The following GON4L variants were observed in gnomAD, a reference collection of about 807,000 sequenced individuals.
GON4L encodes the protein GON-4-like protein.
In GON4L, 87 loss-of-function variants were observed where a neutral mutation model predicts 211.8. The ratio of observed to expected loss-of-function variants is 0.41; its 90% CI spans 0.35 to 0.49. GON4L has a LOEUF of 0.49. GON4L is among the 20% of genes least tolerant of loss of function. The pLI, the probability that GON4L is intolerant of heterozygous loss-of-function variation, is 0.15. For missense variants in GON4L, 2,155 were observed against 2,659.5 expected (o/e 0.81, Z 4.17); for synonymous variants, 875 against 962.6 (o/e 0.91, Z 1.68).
At chr1:155,783,336 C>T (rs1488053000) in intron 14 of GON4L, among the ~76,000 whole-genome samples, 2 of 152,154 alleles carry the variant, frequency 1.3e-5, no homozygotes, top group African/African-American at 4.8e-5. Flanking sequence ...AGGGACTATT[C>T]TCTTTGCTTT....
chr1:155,745,728 A>G, downstream of GON4L: 1 of 1,015,866 alleles, frequency 9.8e-7, no homozygotes, highest in Non-Finnish European at 1.4e-6. Flanking sequence ...GCGGACCAAT[A>G]AGTCGCCAGT....
chr1:155,805,730 C>T (rs952467712), intron 10 of GON4L, among the ~76,000 whole-genome samples: 2 of 151,274 alleles, frequency 1.3e-5, no homozygotes, highest in African/African-American at 4.9e-5. Flanking sequence ...TGCTTTGTTG[C>T]CCAGGCTAGA....
chr1:155,805,163 G>C, intron 10 of GON4L, 22 bp from the exon 11 acceptor site: 6 of 1,546,078 alleles, frequency 3.9e-6, no homozygotes, highest in Non-Finnish European at 5.4e-6. Flanking sequence ...AGAAAGAAAA[G>C]TCACTGAGTG....
At chr1:155,784,900 C>A (rs1241638047) in intron 13 of GON4L, 2 of 286,692 alleles carry the variant, frequency 7.0e-6, no homozygotes, top group African/African-American at 4.4e-5. Context: ...ATTGCTTGAG[C>A]CCAGAAGTTC....
At chr1:155,820,579 C>T (rs754346313) in intron 6 of GON4L, 27 bp downstream of exon 6, 5 of 1,551,370 alleles carry the variant, frequency 3.2e-6, no homozygotes, top group East Asian at 2.2e-5. Flanking sequence ...TAAAAAAAAA[C>T]CAACAACAAA....
rs753068200 is a variant in GON4L at position 155,853,603 on chromosome 1, C to T, written c.178G>A (p.Glu60Lys). The change falls in exon 2 of 32, where the codon GAA (glutamate) becomes AAA (lysine). Residue 60 changes from glutamate to lysine, a missense_variant. Physicochemically the swap from Glu to Lys is moderately conservative, Grantham distance 56. Coordinates refer to ENST00000368331, the MANE Select transcript of GON4L (RefSeq NM_001282860.2). Reference protein sequence around the residue: ...DPSHGRVAGFEVQSLQDAGNQ... With the variant: ...DPSHGRVAGFKVQSLQDAGNQ... ...CCTGCATCCTGCAAAGACTGTACTT[C>T]GAAGCCAGCTACTCTGCCATGACTT... 7.4e-6 allele frequency: 12 copies of T among 1,614,156 alleles called. No individual in the cohort carries two copies. Among genetic ancestry groups the T allele is most frequent in the Admixed American group, 5.0e-5 (3 of 60,020 alleles).
At chr1:155,815,770 AT>A in intron 8 of GON4L, 34 bp downstream of exon 8, 2 of 1,198,792 alleles carry the variant, frequency 1.7e-6, no homozygotes, top group Non-Finnish European at 2.4e-6. Context: ...ACCCTGCTCT[AT>A]TAAGACAAAT....
intron 11 of GON4L, among the ~76,000 whole-genome samples, chr1:155,801,880 C>T (rs1043111554): frequency 6.6e-6 from 1 of 151,000 alleles, no homozygotes; most frequent in Admixed American, 6.6e-5. Flanking sequence ...GAGACTCTGT[C>T]GAAGAAAAAA....
chr1:155,774,214 A>C (rs114075499), intron 17 of GON4L, among the ~76,000 whole-genome samples: 126 of 152,338 alleles, frequency 8.3e-4, no homozygotes, highest in Non-Finnish European at 1.4e-3. Context: ...CAAATGTATA[A>C]TCTCTAACTT....
intron 19 of GON4L, among the ~76,000 whole-genome samples, chr1:155,769,708 C>G (rs1662978445): frequency 6.6e-6 from 1 of 152,052 alleles, no homozygotes; most frequent in South Asian, 2.1e-4. Flanking sequence ...GGCAAGGTAT[C>G]ACAATAACAT....
chr1:155,791,405 G>T (rs187923139), intron 12 of GON4L, among the ~76,000 whole-genome samples: 3 of 151,870 alleles, frequency 2.0e-5, no homozygotes, highest in Admixed American at 2.0e-4. Flanking sequence ...AGAGTAATGT[G>T]CATGGTGAGA....
At position 155,763,349 on chromosome 1, in the gene GON4L, C is replaced by G; in HGVS notation, c.4689G>C (p.Glu1563Asp). 6.2e-7 allele frequency: 1 copy of G among 1,613,880 alleles called. No homozygotes were observed. Reference protein sequence around the residue: ...AEKPPTFASPETAPEVETSRT... With the variant: ...AEKPPTFASPDTAPEVETSRT... ...TGCTGGTCTCCACTTCTGGAGCAGT[C>G]TCAGGTGAAGCAAAAGTAGGAGGCT... Residue 1563 changes from glutamate to aspartate, a missense_variant, in exon 22 of 32, where the codon GAG (glutamate) becomes GAC (aspartate). Around this residue, in one of 6 missense-constraint regions of GON4L, gnomAD observed 455 missense variants for 504.6 expected, o/e 0.90. Coordinates refer to ENST00000368331, the MANE Select transcript of GON4L (RefSeq NM_001282860.2).
At position 155,760,519 on chromosome 1, in the gene GON4L, C is replaced by A; in HGVS notation, c.5034G>T (p.Leu1678=). The A allele has an allele frequency of 6.2e-7, 1 of 1,613,618 alleles. No homozygotes were observed. Among genetic ancestry groups the A allele is most frequent in the Non-Finnish European group, 8.5e-7 (1 of 1,179,586 alleles). The change falls in exon 24 of 32, where the codon CTG becomes CTT. Residue 1678 remains leucine (L), a synonymous_variant. Transcript: ENST00000368331. ...AVDLYKSLQI[L]LQDWPQLLKD... is the part of the protein sequence containing the mutation. Reference sequence around the variant, plus strand: ...TCAACAGCTGAGGCCAGTCTTGGAGCAGAATTTGCAGGCTTTTGTAGAGAT... The same window carrying A: ...TCAACAGCTGAGGCCAGTCTTGGAGAAGAATTTGCAGGCTTTTGTAGAGAT...
intron 2 of GON4L, among the ~76,000 whole-genome samples, chr1:155,830,487 G>C (rs1478551349): frequency 6.6e-6 from 1 of 151,780 alleles, no homozygotes; most frequent in Non-Finnish European, 1.5e-5. Flanking sequence ...ATGTTGGTCA[G>C]GCTGGTCTCG....
At chr1:155,763,965 T>C (rs1285651882) in intron 21 of GON4L, among the ~76,000 whole-genome samples, 1 of 148,440 alleles carries the variant, frequency 6.7e-6, no homozygotes, top group Non-Finnish European at 1.5e-5. Flanking sequence ...ATTATGCCAC[T>C]GCACTCCAAT....
intron 2 of GON4L, among the ~76,000 whole-genome samples, chr1:155,847,291 G>A (rs2102459423): frequency 6.6e-6 from 1 of 152,304 alleles, no homozygotes; most frequent in Non-Finnish European, 1.5e-5. Flanking sequence ...AACAGGCTGG[G>A]CATGGTGGCT....
At chr1:155,790,447 C>T (rs941570696) in intron 12 of GON4L, among the ~76,000 whole-genome samples, 4 of 149,802 alleles carry the variant, frequency 2.7e-5, no homozygotes, top group Non-Finnish European at 5.9e-5. Context: ...CTCAGTATGT[C>T]GCCCAGCCGA....
At chr1:155,769,505 C>T (rs1380736895) in intron 19 of GON4L, among the ~76,000 whole-genome samples, 1 of 151,974 alleles carries the variant, frequency 6.6e-6, no homozygotes, top group East Asian at 1.9e-4. Context: ...TGTCAGAGGG[C>T]TCAAGGAGCA....
chr1:155,803,787 G>A (rs1666901606), intron 11 of GON4L, among the ~76,000 whole-genome samples: 1 of 152,146 alleles, frequency 6.6e-6, no homozygotes, highest in Non-Finnish European at 1.5e-5. Flanking sequence ...GAGCTTGCAG[G>A]GGAGAGTCCT....
Sources: gnomAD v4.1 joint callset for allele counts (sites outside exome capture counted in the v4.1 genomes callset) on GRCh38, gnomAD v4.1.1 for gene constraint, gnomAD v4.1.1 regional missense constraint, MANE v1.5 for transcripts, NCBI Gene and HGNC (gene_info 2026-07-23, HGNC 2026-07-21) for gene names.